THAP8: variants seen among roughly 807,000 people sequenced by gnomAD.
THAP8 encodes THAP domain containing 8.
In THAP8, 24 loss-of-function variants were observed where a neutral mutation model predicts 25.0. That is an observed-to-expected ratio of 0.96 (90% CI 0.69 to 1.35). The LOEUF (loss-of-function observed/expected upper bound fraction) is 1.35, where lower values mean the gene tolerates loss of function less well. THAP8 is among the 40% of genes most tolerant of loss of function. The pLI is 0.00. For synonymous variants in THAP8, 169 were observed against 157.6 expected, an observed-to-expected ratio of 1.07 and a Z score of -0.54; for missense variants, 399 against 368.8, an observed-to-expected ratio of 1.08 and a Z score of -0.67.
At position 36,039,551 on chromosome 19, in the gene THAP8, C is replaced by T. The variant is rs1266598097; in HGVS notation, c.444G>A (p.Leu148=). 2 of 1,528,576 alleles carry T rather than the reference C, an allele frequency of 1.3e-6. No homozygotes were observed. The highest frequency in any genetic ancestry group is 2.5e-5 in the South Asian group (2 of 80,964). The allele number at this position is 1,528,576 out of a possible 1,614,324, so 94.7% of individuals were successfully genotyped here. A position where few individuals can be genotyped will look rare whatever the true frequency, so the allele number is the denominator to read the frequency against. The part of the protein sequence containing the change: ...GSPKTVATML[L]TPLAPAPTPE... ...GAGTTGGCGCAGGGGCCAGGGGGGT[C>T]AGGAGCATGGTGGCCACAGTCTTGG... The change falls in exon 3 of 4, where the codon CTG becomes CTA. Residue 148 remains leucine (L), a synonymous_variant. Transcript: ENST00000292894.
In THAP8 at chr19:36,039,489, G is replaced by T; in HGVS notation, c.506C>A (p.Ala169Asp). ...RSQPEVPAQQ[A>D]QTGLGPVLGA... ...CAGCACTGGGCCCAGCCCGGTCTGG[G>T]CCTGTTGGGCAGGGACTTCAGGTTG... The change falls in exon 3 of 4, where the codon GCC becomes GAC. Residue 169 changes from alanine (A) to aspartate (D), a missense_variant. Coordinates refer to ENST00000292894, the MANE Select transcript of THAP8 (RefSeq NM_152658.3). 6.3e-7 allele frequency: 1 copy of T among 1,589,988 alleles called. No homozygotes were observed. The highest frequency in any genetic ancestry group is 1.1e-5 in the South Asian group (1 of 88,662).
At position 36,035,326 on chromosome 19, in the gene THAP8, G is replaced by A. The variant is rs1486836371; in HGVS notation, c.*114C>T. On this transcript the variant is annotated 3_prime_UTR_variant, in exon 4 of 4. Coordinates refer to ENST00000292894, the MANE Select transcript of THAP8 (RefSeq NM_152658.3). ...GGGGTGGTAGAACCCAGGCCCTTGAGGGAGGCACTGCTACTACCCAGGCGT... is the reference window on the plus strand; with the variant it reads ...GGGGTGGTAGAACCCAGGCCCTTGAAGGAGGCACTGCTACTACCCAGGCGT... 17 of 1,373,308 alleles carry A rather than the reference G, an allele frequency of 1.2e-5. No individual in the cohort carries two copies. Among genetic ancestry groups the A allele is most frequent in the Non-Finnish European group, 1.4e-5 (14 of 1,015,628 alleles). 85.1% of individuals were successfully genotyped at this position (1,373,308 alleles called of 1,614,324 possible).
At position 36,035,450 on chromosome 19, in the gene THAP8, G is replaced by A; in HGVS notation, c.815C>T (p.Pro272Leu). The A allele has an allele frequency of 2.5e-6, 4 of 1,613,782 alleles. No individual in the cohort carries two copies. The highest frequency in any genetic ancestry group is 1.1e-5 in the South Asian group (1 of 91,058). The part of the protein sequence containing the change: ...AKPELLDTRI[P>L]SA ...TGTCTGTCTTGATCCTTATGCACTG[G>A]GGATCCGAGTGTCCAGGAGCTCCGG... The change falls in exon 4 of 4, where the codon CCC (proline) becomes CTC (leucine). Residue 272 changes from proline to leucine, a missense_variant. By Grantham distance (98) the Pro-to-Leu change is moderately conservative. Transcript: ENST00000292894.
In THAP8 at chr19:36,039,713, C is replaced by G; in HGVS notation, c.282G>C (p.Gln94His). 6.6e-7 allele frequency: 1 copy of G among 1,517,990 alleles called. No homozygotes were observed. The highest frequency in any genetic ancestry group is 8.8e-7 in the Non-Finnish European group (1 of 1,131,910). 94.0% of individuals were successfully genotyped at this position (1,517,990 alleles called of 1,614,324 possible). A position where few individuals can be genotyped will look rare whatever the true frequency, so the allele number is the denominator to read the frequency against. ...GCTTCTGGGTGCTTCGGGTCCTCCG[C>G]TGACTCTGGAAGACAAGGCATGGGG... Reference protein sequence around the residue: ...IFSRGPPAKSQRRTRSTQKPV... With the variant: ...IFSRGPPAKSHRRTRSTQKPV... The change falls in exon 3 of 4, where the codon CAG (glutamine) becomes CAC (histidine). Residue 94 changes from glutamine (Q) to histidine (H), a missense_variant. By Grantham distance (24) the Gln-to-His change is conservative (BLOSUM62 0). Transcript: ENST00000292894.
chr19:36,042,774 G>T (rs1033529589), intron 1 of THAP8, among the ~76,000 whole-genome samples: 2 of 151,990 alleles, frequency 1.3e-5, no homozygotes, highest in South Asian at 2.1e-4. Flanking sequence ...CTTTTTTTTG[G>T]GGGGAGGGAG....
chr19:36,035,532 G>C lies in THAP8; in HGVS notation c.733C>G (p.Pro245Ala). Residue 245 changes from proline to alanine, a missense_variant, in exon 4 of 4, where the codon CCT becomes GCT. Coordinates refer to ENST00000292894, the MANE Select transcript of THAP8 (RefSeq NM_152658.3). ...TGGGCAAGGACCATGGCTATGTCAG[G>C]CCCTCCACAGATGATGGTGAAGGTT... ...SQTFTIICGG[P>A]DIAMVLAQDP... 2.5e-6 allele frequency: 4 copies of C among 1,614,148 alleles called. No homozygotes were observed. Among genetic ancestry groups the C allele is most frequent in the Non-Finnish European group, 2.5e-6 (3 of 1,180,012 alleles).
intron 1 of THAP8, among the ~76,000 whole-genome samples, chr19:36,050,886 G>A (rs577693520): frequency 2.0e-5 from 3 of 152,284 alleles, no homozygotes; most frequent in Admixed American, 2.0e-4. Context: ...CATCTGAAAG[G>A]CATTCACCAA....
Position 36,040,083 on chromosome 19 carries a change from C to T in THAP8, c.137G>A (p.Cys46Tyr). Residue 46 changes from cysteine (C) to tyrosine (Y), a missense_variant, in exon 2 of 4, where the codon TGT becomes TAT. Physicochemically the swap from Cys to Tyr is radical, Grantham distance 194. Transcript: ENST00000292894. ...GTGGCAGCTGGGCACCCAGTGCTCACAGCCCATGTGCTGCAGCCAGGCCTG... is the reference window on the plus strand; with the variant it reads ...GTGGCAGCTGGGCACCCAGTGCTCATAGCCCATGTGCTGCAGCCAGGCCTG... ...RLQAWLQHMG[C>Y]EHWVPSCHQH... is the part of the protein sequence containing the mutation. 6.2e-7 allele frequency: 1 copy of T among 1,613,396 alleles called. No individual in the cohort carries two copies. The highest frequency in any genetic ancestry group is 2.2e-5 in the East Asian group (1 of 44,868).
intron 1 of THAP8, among the ~76,000 whole-genome samples, chr19:36,051,385 G>C (rs1970051055): frequency 6.6e-6 from 1 of 152,094 alleles, no homozygotes; most frequent in Non-Finnish European, 1.5e-5. Flanking sequence ...TTTTTATAGT[G>C]AGGTGGGAGT....
chr19:36,041,617 C>A (rs1969695944), intron 1 of THAP8, among the ~76,000 whole-genome samples: 1 of 152,150 alleles, frequency 6.6e-6, no homozygotes, highest in Non-Finnish European at 1.5e-5. Context: ...ACACAAATAA[C>A]CTGATTCAAA....
intron 1 of THAP8, among the ~76,000 whole-genome samples, chr19:36,043,015 G>GC (rs981085817): frequency 4.0e-5 from 6 of 149,768 alleles, no homozygotes; most frequent in African/African-American, 1.5e-4. Flanking sequence ...TGCAACCTCC[G>GC]CCCCCTGGGT....
intron 1 of THAP8, among the ~76,000 whole-genome samples, chr19:36,048,462 T>C (rs2145453653): frequency 6.6e-6 from 1 of 151,812 alleles, no homozygotes; most frequent in South Asian, 2.1e-4. Flanking sequence ...GCCTCCCAGG[T>C]TCAAGCGATT....
chr19:36,051,173 G>A (rs78170002), intron 1 of THAP8, among the ~76,000 whole-genome samples: 104 of 152,256 alleles, frequency 6.8e-4, no homozygotes, highest in African/African-American at 2.3e-3. Context: ...AGTCATAAAG[G>A]CAAGAACTTT....
At chr19:36,036,466 C>A (rs971181272) in intron 3 of THAP8, among the ~76,000 whole-genome samples, 1 of 151,992 alleles carries the variant, frequency 6.6e-6, no homozygotes, top group Non-Finnish European at 1.5e-5. Context: ...GACAGGGTTT[C>A]ACCATGTTGC....
intron 1 of THAP8, among the ~76,000 whole-genome samples, chr19:36,043,929 C>T (rs1730349262): frequency 6.6e-6 from 1 of 151,606 alleles, no homozygotes; most frequent in African/African-American, 2.4e-5. Flanking sequence ...AAAATAAAAG[C>T]TTTCTCAGTG....
chr19:36,037,222 C>G (rs1283267436), intron 3 of THAP8, among the ~76,000 whole-genome samples: 1 of 149,524 alleles, frequency 6.7e-6, no homozygotes, highest in Admixed American at 6.8e-5. Context: ...AGACATAACA[C>G]CCTTCCTCAA....
intron 1 of THAP8, among the ~76,000 whole-genome samples, chr19:36,047,707 A>G (rs1181023799): frequency 2.0e-5 from 3 of 152,214 alleles, no homozygotes; most frequent in East Asian, 3.9e-4. Context: ...CTGTAATTCT[A>G]TAATTCCAGC....
intron 3 of THAP8, among the ~76,000 whole-genome samples, chr19:36,036,272 CTT>C (rs35918803): frequency 5.4e-5 from 6 of 110,474 alleles, no homozygotes; most frequent in Non-Finnish European, 3.5e-5. Context: ...AAAGACCAGA[CTT>C]TTTTTTTTTT....
intron 3 of THAP8, among the ~76,000 whole-genome samples, chr19:36,037,343 T>TAGAC (rs1491146173): frequency 0.049 from 5,607 of 114,812 alleles, 188 homozygotes; most frequent in Middle Eastern, 0.076. Flanking sequence ...ATTCCTCCCC[T>TAGAC]ACACACACAC....
Sources: allele counts gnomAD v4.1 joint callset (sites outside exome capture counted in the v4.1 genomes callset), GRCh38; gene constraint gnomAD v4.1.1; transcripts MANE v1.5; gene names NCBI Gene and HGNC (gene_info 2026-07-23, HGNC 2026-07-21).